CEBPZ: variants seen among roughly 807,000 people sequenced by gnomAD.
CEBPZ encodes CCAAT enhancer binding protein zeta.
A neutral mutation model predicts 104.5 loss-of-function variants in CEBPZ; 78 were observed. The observed-to-expected ratio is 0.75, with a 90% confidence interval of 0.62 to 0.90. The LOEUF is 0.90. CEBPZ is among the 40% of genes least tolerant of loss of function. CEBPZ has a pLI of 0.00. For missense variants in CEBPZ, 1,439 were observed against 1,233.5 expected (o/e 1.17, Z -2.50); for synonymous variants, 470 against 427.0 (o/e 1.10, Z -1.24).
intron 6 of CEBPZ, 66 bp downstream of exon 6, chr2:37,216,918 A>G: frequency 7.7e-7 from 1 of 1,295,956 alleles, no homozygotes; most frequent in Non-Finnish European, 1.1e-6. Flanking sequence ...TGTATGACCA[A>G]TTATTGATTA....
chr2:37,227,302 G>A (rs924991642), intron 2 of CEBPZ, among the ~76,000 whole-genome samples: 3 of 152,104 alleles, frequency 2.0e-5, no homozygotes, highest in Admixed American at 6.5e-5. Context: ...AATCTTTTGG[G>A]TATTTTTCTG....
Position 37,228,653 on chromosome 2 carries a change from T to A in CEBPZ, c.540A>T (p.Gly180=). ...TGTACTCCAGATCATACCATTTGCCTCCAGGCCTAAGTAACAAAGTCTGTC... is the reference window on the plus strand; with the variant it reads ...TGTACTCCAGATCATACCATTTGCCACCAGGCCTAAGTAACAAAGTCTGTC... ...FERQTLLLRP[G]GKWYDLEYSN... is the part of the protein sequence containing the mutation. The change falls in exon 2 of 16, where the codon GGA becomes GGT. Residue 180 remains glycine (G), a synonymous_variant. Coordinates refer to ENST00000234170, the MANE Select transcript of CEBPZ (RefSeq NM_005760.3). The A allele has an allele frequency of 6.2e-7, 1 of 1,614,180 alleles. No individual in the cohort carries two copies. The highest frequency in any genetic ancestry group is 8.5e-7 in the Non-Finnish European group (1 of 1,180,022).
rs2148364334 is a variant in CEBPZ, at chr2:37,228,789, G to A, written c.404C>T (p.Ser135Leu). The change falls in exon 2 of 16, where the codon TCA becomes TTA. Residue 135 changes from serine to leucine, a missense_variant. Physicochemically the swap from Ser to Leu is moderately radical, Grantham distance 145 (BLOSUM62 -2). Transcript: ENST00000234170. ...ATTCTTATTTTTCACCTTATTAACT[G>A]ATGTCCTTTGACTTTCTGCTGTATT... The part of the protein sequence containing the change: ...NKNTAESQRT[S>L]VNKVKNKNRP... 1.9e-6 allele frequency: 3 copies of A among 1,612,136 alleles called. No individual in the cohort carries two copies. Among genetic ancestry groups the A allele is most frequent in the South Asian group, 1.1e-5 (1 of 90,388 alleles).
Position 37,228,181 on chromosome 2 carries a change from G to A in CEBPZ, c.1012C>T (p.Gln338Ter). 6.2e-7 allele frequency: 1 copy of A among 1,614,160 alleles called. No homozygotes were observed. The highest frequency in any genetic ancestry group is 8.5e-7 in the Non-Finnish European group (1 of 1,180,034). ...AATTCAGCCACTAAGTGTTTCAGCT[G>A]GTGTTCAAAATACCATAATATCAGT... ...RRLILWYFEH[Q>*]LKHLVAEFVQ... Residue 338 changes from glutamine (Q) to a stop codon, truncating the protein, a stop_gained, in exon 2 of 16, where the codon CAG becomes TAG. Transcript: ENST00000234170. LOFTEE classifies it high-confidence loss of function.
rs779547414 is a variant in CEBPZ at position 37,222,583 on chromosome 2, A to G, written c.1882-20T>C. On this transcript the variant is annotated intron_variant, in intron 3 of 15. Transcript: ENST00000234170. The stretch of plus-strand genomic sequence containing the variant: ...AGACTCCTAACAAAAGTATAGTTTC[A>G]TAAATCTACATAAATCAACTGGAAG... 2.0e-6 allele frequency: 3 copies of G among 1,498,902 alleles called. No homozygotes were observed. The highest frequency in any genetic ancestry group is 2.7e-6 in the Non-Finnish European group (3 of 1,113,264). The allele number at this position is 1,498,902 out of a possible 1,614,324, so 92.9% of individuals were successfully genotyped here.
intron 13 of CEBPZ, 67 bp downstream of exon 13, chr2:37,210,932 C>G: frequency 2.0e-6 from 2 of 1,021,818 alleles, no homozygotes; most frequent in Non-Finnish European, 1.4e-6. Context: ...GAGTTCATTT[C>G]CCAAAATGAT....
At chr2:37,219,519 T>C (rs1336701369) in intron 5 of CEBPZ, among the ~76,000 whole-genome samples, 1 of 152,142 alleles carries the variant, frequency 6.6e-6, no homozygotes, top group Non-Finnish European at 1.5e-5. Flanking sequence ...ATTTCTTTTA[T>C]AGTATCAGTG....
chr2:37,220,321 A>AG (rs59081952), intron 5 of CEBPZ, 64 bp downstream of exon 5: 43,769 of 433,302 alleles, frequency 0.1, 1,454 homozygotes, highest in East Asian at 0.21. Context: ...GTCTCAAAAA[A>AG]AAAAAAAATA....
chr2:37,214,513 AAAT>A (rs1372222291), intron 9 of CEBPZ, among the ~76,000 whole-genome samples: 1 of 152,166 alleles, frequency 6.6e-6, no homozygotes, highest in East Asian at 1.9e-4. Flanking sequence ...CCTATAAAGA[AAAT>A]TATTATAAAA....
intron 4 of CEBPZ, among the ~76,000 whole-genome samples, chr2:37,221,224 G>A (rs992651319): frequency 3.9e-5 from 6 of 152,168 alleles, no homozygotes; most frequent in Non-Finnish European, 8.8e-5. Context: ...GCTGAGGTGG[G>A]AGGATCGCTT....
intron 12 of CEBPZ, 183 bp from the exon 13 acceptor site, chr2:37,211,265 C>T: frequency 2.3e-6 from 1 of 432,656 alleles, no homozygotes; most frequent in Non-Finnish European, 4.1e-6. Context: ...TAAGAATTGG[C>T]ACAGTTCTAA....
Position 37,214,951 on chromosome 2 carries a change from C to A in CEBPZ, c.2382G>T (p.Val794=). 6.2e-7 allele frequency: 1 copy of A among 1,601,308 alleles called. No individual in the cohort carries two copies. The highest frequency in any genetic ancestry group is 1.1e-5 in the South Asian group (1 of 90,552). Residue 794 remains valine (V), a splice_region_variant and synonymous_variant, in exon 9 of 16, where the codon GTG becomes GTT. Coordinates refer to ENST00000234170, the MANE Select transcript of CEBPZ (RefSeq NM_005760.3). ...HFIKDIRHLP[V]NSKEFLAKEE... is the part of the protein sequence containing the mutation. ...CTTTTGCAAGGAACTCCTTACTGTT[C>A]ACTACAAAAATAAATTTAAACATTT...
At chr2:37,205,448 AG>A (rs1677504054) in intron 13 of CEBPZ, among the ~76,000 whole-genome samples, 1 of 152,122 alleles carries the variant, frequency 6.6e-6, no homozygotes, top group Non-Finnish European at 1.5e-5. Context: ...CACTCCTGCC[AG>A]GCAGAGAACA....
intron 8 of CEBPZ, chr2:37,215,540 G>A (rs1677847316): frequency 6.6e-6 from 1 of 152,218 alleles, no homozygotes; most frequent in Non-Finnish European, 1.5e-5. Flanking sequence ...TACATCTCTG[G>A]ACCTCTGTGA....
At chr2:37,202,590 A>G (rs1341654662) in intron 15 of CEBPZ, 194 bp downstream of exon 15, 1 of 411,924 alleles carries the variant, frequency 2.4e-6, no homozygotes, top group African/African-American at 2.3e-5. Context: ...GGTTGCAGTG[A>G]GCCAAGATCA....
At chr2:37,204,666 C>T (rs1677467309) in intron 13 of CEBPZ, 1 of 152,168 alleles carries the variant, frequency 6.6e-6, no homozygotes, top group African/African-American at 2.4e-5. Flanking sequence ...AGGATATCTA[C>T]TCTAACACCT....
chr2:37,216,432 C>G lies in CEBPZ; in HGVS notation c.2209-14G>C, dbSNP rs749428712. 3.8e-6 allele frequency: 6 copies of G among 1,566,186 alleles called. No homozygotes were observed. The highest frequency in any genetic ancestry group is 1.4e-5 in the African/African-American group (1 of 73,010). On this transcript the variant is annotated splice_polypyrimidine_tract_variant and intron_variant, in intron 6 of 15. Transcript: ENST00000234170. ...AATATAGTTTCCCTGAAAAGTGGAG[C>G]GGGGATTTAAAAACTTAATTCAAAT...
intron 14 of CEBPZ, 23 bp from the exon 15 acceptor site, chr2:37,202,888 T>G: frequency 6.3e-7 from 1 of 1,595,508 alleles, no homozygotes; most frequent in Non-Finnish European, 8.5e-7. Context: ...AACGATAAAT[T>G]TATTAGAAAA....
rs1020249314 is a variant in CEBPZ at position 37,202,637 on chromosome 2, G to A, written c.3025+147C>T. On this transcript the variant is annotated intron_variant, in intron 15 of 15. Transcript: ENST00000234170. ...TCCAACCTGGGCAAGGGAGTGAGACGCTGTCTCAAAAAAAAAAAAAAAAAA... is the reference window on the plus strand; with the variant it reads ...TCCAACCTGGGCAAGGGAGTGAGACACTGTCTCAAAAAAAAAAAAAAAAAA... 3.1e-5 allele frequency: 12 copies of A among 381,092 alleles called. 1 individual carries two copies. The highest frequency in any genetic ancestry group is 2.9e-4 in the Admixed American group (4 of 13,620). 23.6% of individuals were successfully genotyped at this position (381,092 alleles called of 1,614,324 possible).
Sources: gnomAD v4.1 joint callset for allele counts (sites outside exome capture counted in the v4.1 genomes callset) on GRCh38, gnomAD v4.1.1 for gene constraint, MANE v1.5 for transcripts, NCBI Gene and HGNC (gene_info 2026-07-23, HGNC 2026-07-21) for gene names.